The following ACSM2B variants were observed in gnomAD, a reference collection of about 807,000 sequenced individuals.
ACSM2B encodes the protein acyl-coenzyme A synthetase ACSM2B, mitochondrial.
In ACSM2B, 58 loss-of-function variants were observed where a neutral mutation model predicts 78.6. The ratio of observed to expected loss-of-function variants is 0.74; its 90% CI spans 0.60 to 0.92. The LOEUF is 0.92. Among genes scored for constraint, ACSM2B ranks in the 40% least tolerant of loss-of-function variants. The pLI is 0.00. For synonymous variants in ACSM2B, 257 were observed against 256.8 expected (o/e 1.00, Z -0.01); for missense variants, 688 against 711.2 (o/e 0.97, Z 0.37).
intron 13 of ACSM2B, among the ~76,000 whole-genome samples, chr16:20,538,481 T>A (rs1368434095): frequency 2.0e-5 from 3 of 152,268 alleles, no homozygotes; most frequent in East Asian, 1.9e-4. Flanking sequence ...AGAGAGTGGA[T>A]GAAAGCCACA....
intron 1 of ACSM2B, among the ~76,000 whole-genome samples, chr16:20,567,255 A>C (rs1349070114): frequency 7.8e-6 from 1 of 128,038 alleles, no homozygotes; most frequent in Non-Finnish European, 1.6e-5. Context: ...TATATAATAT[A>C]TAATATATAG....
rs906435643 is a variant in ACSM2B at position 20,537,229 on chromosome 16, G to A, written c.*29C>T. 3.7e-6 allele frequency: 6 copies of A among 1,610,136 alleles called. No homozygotes were observed. The highest frequency in any genetic ancestry group is 2.2e-5 in the East Asian group (1 of 44,838). On this transcript the variant is annotated 3_prime_UTR_variant, in exon 14 of 14. Transcript: ENST00000329697. The stretch of plus-strand genomic sequence containing the variant: ...AGGGAAAAGAAAGAGAAAGAAGAGG[G>A]GAATCCAAATGAATGTCTCCTAGAC...
chr16:20,562,038 G>T (rs1596728846), intron 2 of ACSM2B, among the ~76,000 whole-genome samples: 1 of 151,436 alleles, frequency 6.6e-6, no homozygotes, highest in African/African-American at 2.4e-5. Context: ...ACAGATATTT[G>T]GGCTGTTTGA....
At chr16:20,574,172 T>G in intron 1 of ACSM2B, 1 of 151,940 alleles carries the variant, frequency 6.6e-6, no homozygotes, top group East Asian at 1.9e-4. Flanking sequence ...CAGCAATATT[T>G]CTCCTACTTG....
chr16:20,554,537 G>T (rs1186120528), intron 4 of ACSM2B, among the ~76,000 whole-genome samples: 1 of 152,128 alleles, frequency 6.6e-6, no homozygotes, highest in African/African-American at 2.4e-5. Context: ...TATCATATGT[G>T]CCCCCGCTAG....
chr16:20,543,279 G>T lies in ACSM2B; in HGVS notation c.1282-17C>A. The T allele has an allele frequency of 6.2e-7, 1 of 1,612,348 alleles. No individual in the cohort carries two copies. The highest frequency in any genetic ancestry group is 8.5e-7 in the Non-Finnish European group (1 of 1,179,850). ...GGGATTTTCCTGGTGACCACAGAAA[G>T]ACAGAGTCATTGTGCCTGCAAAGCC... is the stretch of plus-strand genomic sequence containing the variant. On this transcript the variant is annotated splice_polypyrimidine_tract_variant and intron_variant, in intron 10 of 13. Transcript: ENST00000329697.
At chr16:20,565,102 A>G (rs565831532) in intron 1 of ACSM2B, among the ~76,000 whole-genome samples, 2 of 152,154 alleles carry the variant, frequency 1.3e-5, no homozygotes, top group Non-Finnish European at 2.9e-5. Context: ...AGTTTTGTTA[A>G]CACCCATTTC....
intron 2 of ACSM2B, among the ~76,000 whole-genome samples, chr16:20,559,665 T>C (rs998495726): frequency 6.6e-6 from 1 of 151,186 alleles, no homozygotes; most frequent in African/African-American, 2.5e-5. Context: ...AGAATTTTTG[T>C]AAATGTATGC....
chr16:20,545,767 AAC>A (rs1319148868), intron 9 of ACSM2B, among the ~76,000 whole-genome samples: 1 of 152,232 alleles, frequency 6.6e-6, no homozygotes, highest in Non-Finnish European at 1.5e-5. Flanking sequence ...CATGGCAAGT[AAC>A]TGGATATGAC....
chr16:20,555,483 A>C lies in ACSM2B; in HGVS notation c.389-7T>G. The C allele has an allele frequency of 1.2e-6, 2 of 1,611,360 alleles. No individual in the cohort carries two copies. Among genetic ancestry groups the C allele is most frequent in the Non-Finnish European group, 1.7e-6 (2 of 1,178,018 alleles). On this transcript the variant is annotated splice_region_variant and splice_polypyrimidine_tract_variant and intron_variant, in intron 3 of 13. Coordinates refer to ENST00000329697, the MANE Select transcript of ACSM2B (RefSeq NM_001105069.2). Reference sequence around the variant, plus strand: ...CCAGGCATAAAGATGAGACCTAAAGAAGCCAACAATTTAGAGAATTGGAAA... The same window carrying C: ...CCAGGCATAAAGATGAGACCTAAAGCAGCCAACAATTTAGAGAATTGGAAA...
chr16:20,538,940 A>G (rs2014916483), intron 13 of ACSM2B, among the ~76,000 whole-genome samples: 2 of 151,968 alleles, frequency 1.3e-5, no homozygotes, highest in South Asian at 2.1e-4. Flanking sequence ...CCACTCCACC[A>G]CCAGACCCCT....
intron 2 of ACSM2B, 118 bp downstream of exon 2, chr16:20,564,551 T>C: frequency 6.8e-7 from 1 of 1,479,516 alleles, no homozygotes; most frequent in South Asian, 1.4e-5. Context: ...GTCTTGTCCA[T>C]AGCTTATTAC....
intron 1 of ACSM2B, among the ~76,000 whole-genome samples, chr16:20,566,698 GTATA>G (rs57290830): frequency 0.011 from 58 of 5,424 alleles, 1 homozygote; most frequent in African/African-American, 0.032. Flanking sequence ...ACTATATATA[GTATA>G]TATATAGTAT....
chr16:20,540,639 G>T lies in ACSM2B; in HGVS notation c.1629+15C>A, dbSNP rs558469975. 38 of 1,612,606 alleles carry T rather than the reference G, an allele frequency of 2.4e-5. 2 individuals carry two copies. The East Asian group carries it at 5.8e-4, about 25-fold the overall frequency. On this transcript the variant is annotated intron_variant, in intron 13 of 13. Transcript: ENST00000329697. Reference sequence around the variant, plus strand: ...TTTCTCAAGTTTGAGTGACTTGGGAGCTCAAAGGCCTTACCTTTCTTGGGT... The same window carrying T: ...TTTCTCAAGTTTGAGTGACTTGGGATCTCAAAGGCCTTACCTTTCTTGGGT...
chr16:20,569,716 G>A (rs145854872), intron 1 of ACSM2B, among the ~76,000 whole-genome samples: 7 of 151,958 alleles, frequency 4.6e-5, no homozygotes, highest in Admixed American at 4.6e-4. Context: ...CATAGGATGT[G>A]TTCCCATTTG....
At chr16:20,538,196 T>A (rs1182460856) in intron 13 of ACSM2B, among the ~76,000 whole-genome samples, 1 of 152,210 alleles carries the variant, frequency 6.6e-6, no homozygotes, top group Non-Finnish European at 1.5e-5. Flanking sequence ...AGTATCTTCT[T>A]AGTGGCTGAT....
intron 1 of ACSM2B, among the ~76,000 whole-genome samples, chr16:20,568,697 T>C (rs940843405): frequency 6.6e-6 from 1 of 151,822 alleles, no homozygotes; most frequent in Non-Finnish European, 1.5e-5. Context: ...TGTAGAAGTG[T>C]TCCCTTTTCA....
At chr16:20,572,170 C>T (rs958035695) in intron 1 of ACSM2B, among the ~76,000 whole-genome samples, 66 of 150,888 alleles carry the variant, frequency 4.4e-4, no homozygotes, top group Non-Finnish European at 7.1e-4. Context: ...TTTTATAGGT[C>T]ATGTGAGGTT....
chr16:20,563,739 G>A (rs1240353622), intron 2 of ACSM2B, among the ~76,000 whole-genome samples: 2 of 147,712 alleles, frequency 1.4e-5, no homozygotes, highest in South Asian at 2.1e-4. Flanking sequence ...CTGTTTCATA[G>A]TGTAGGGAAC....
Sources: gnomAD v4.1 joint callset for allele counts (sites outside exome capture counted in the v4.1 genomes callset) on GRCh38, gnomAD v4.1.1 for gene constraint, MANE v1.5 for transcripts, NCBI Gene and HGNC (gene_info 2026-07-23, HGNC 2026-07-21) for gene names.